NRBP1: variants seen among roughly 807,000 people sequenced by gnomAD.
The protein encoded by NRBP1 is nuclear receptor-binding protein.
In NRBP1, 10 loss-of-function variants were observed where a neutral mutation model predicts 76.0. The ratio of observed to expected loss-of-function variants is 0.13; its 90% CI spans 0.08 to 0.22. The LOEUF is 0.22. NRBP1 is among the 10% of genes least tolerant of loss of function. NRBP1 has a pLI of 1.00. For synonymous variants in NRBP1, 235 were observed against 240.2 expected (o/e 0.98, Z 0.20); for missense variants, 344 against 646.0 (o/e 0.53, Z 5.07).
chr2:27,434,355 TAAAGCTAAGAACAAAAGGAG>T, intron 4 of NRBP1, 96 bp from the exon 5 acceptor site: 1 of 829,540 alleles, frequency 1.2e-6, no homozygotes, highest in South Asian at 1.6e-5. Context: ...TCTAAGTAAG[TAAAGCTAAGAACAAAAGGAG>T]AGAAATTTTA....
At chr2:27,436,050 G>C in intron 7 of NRBP1, 1 of 515,778 alleles carries the variant, frequency 1.9e-6, no homozygotes, top group Admixed American at 3.2e-5. Flanking sequence ...CATTGTTTAT[G>C]ATCTGAGTGA....
chr2:27,429,583 C>T (rs770459669), intron 1 of NRBP1, among the ~76,000 whole-genome samples: 1 of 152,190 alleles, frequency 6.6e-6, no homozygotes, highest in African/African-American at 2.4e-5. Context: ...CTCTTTAAAA[C>T]CTCTCAGCGG....
intron 14 of NRBP1, 77 bp from the exon 15 acceptor site, chr2:27,441,050 C>G: frequency 5.0e-6 from 8 of 1,608,292 alleles, no homozygotes; most frequent in Middle Eastern, 2.2e-4. Flanking sequence ...CAGCCATGCC[C>G]TATGGGCTCG....
intron 10 of NRBP1, among the ~76,000 whole-genome samples, chr2:27,438,397 AAGGTTATGAATC>A (rs1416327497): frequency 6.6e-6 from 1 of 152,194 alleles, no homozygotes; most frequent in Non-Finnish European, 1.5e-5. Flanking sequence ...TAAAAGACAT[AAGGTTATGAATC>A]AGTTGATAGA....
At chr2:27,438,122 G>T (rs1664385141) in intron 10 of NRBP1, among the ~76,000 whole-genome samples, 1 of 151,614 alleles carries the variant, frequency 6.6e-6, no homozygotes, top group African/African-American at 2.4e-5. Context: ...GGAGATTGCA[G>T]TGAGCTGAGA....
At chr2:27,432,931 TGCAGTG>T (rs1431820633) in intron 1 of NRBP1, among the ~76,000 whole-genome samples, 2 of 151,796 alleles carry the variant, frequency 1.3e-5, no homozygotes, top group Non-Finnish European at 2.9e-5. Context: ...CAGGCTGGAG[TGCAGTG>T]GCGTGATCTC....
rs781036364 is a variant in NRBP1, at chr2:27,434,069, C to G, written c.414C>G (p.Asp138Glu). ...NIVKFHKYWADIKENKARVIF... is the reference protein window; with the variant it reads ...NIVKFHKYWAEIKENKARVIF... ...TTAAGTTTCACAAATATTGGGCTGA[C>G]ATTAAAGAGAACAAGGCCAGGGTAA... The change falls in exon 4 of 18, where the codon GAC becomes GAG. Residue 138 changes from aspartate (D) to glutamate (E), a missense_variant. By Grantham distance (45) the Asp-to-Glu change is conservative (BLOSUM62 2). Around this residue, in one of 3 missense-constraint regions of NRBP1, gnomAD observed 73 missense variants for 287.8 expected, o/e 0.25. Coordinates refer to ENST00000379852, the MANE Select transcript of NRBP1 (RefSeq NM_013392.4). 3 of 1,613,844 alleles carry G rather than the reference C, an allele frequency of 1.9e-6. No homozygotes were observed. Among genetic ancestry groups the G allele is most frequent in the Non-Finnish European group, 2.5e-6 (3 of 1,179,774 alleles).
chr2:27,437,429 AC>A, intron 10 of NRBP1, 69 bp downstream of exon 10: 1 of 1,150,808 alleles, frequency 8.7e-7, no homozygotes, highest in Non-Finnish European at 1.3e-6. Flanking sequence ...CTTCCTTTGT[AC>A]CCACTGGGTA....
At position 27,442,143 on chromosome 2, in the gene NRBP1, A is replaced by G. The variant is rs546908558; in HGVS notation, c.*331A>G. ...ACGGGCACTAGGGGAGCCGAATTCT[A>G]CAATCCCGCTGGGGCGGCCGGGGCG... On this transcript the variant is annotated 3_prime_UTR_variant, in exon 18 of 18. Coordinates refer to ENST00000379852, the MANE Select transcript of NRBP1 (RefSeq NM_013392.4). 12 of 531,952 alleles carry G rather than the reference A, an allele frequency of 2.3e-5. No individual in the cohort carries two copies. The highest frequency in any genetic ancestry group is 2.2e-4 in the African/African-American group (11 of 49,900). The allele number at this position is 531,952 out of a possible 1,614,324, so 33.0% of individuals were successfully genotyped here.
At chr2:27,430,785 G>T (rs555316651) in intron 1 of NRBP1, among the ~76,000 whole-genome samples, 1 of 152,096 alleles carries the variant, frequency 6.6e-6, no homozygotes, top group South Asian at 2.1e-4. Context: ...ATACTGTAGA[G>T]AACTCTCTTG....
chr2:27,429,283 C>T (rs927848225), intron 1 of NRBP1: 5 of 152,464 alleles, frequency 3.3e-5, no homozygotes, highest in African/African-American at 1.2e-4. Context: ...GTGTGAAATT[C>T]TAGGGGCCGG....
Position 27,440,903 on chromosome 2 carries a change from C to T in NRBP1, c.1292C>T (p.Thr431Ile). The change falls in exon 14 of 18, where the codon ACT (threonine) becomes ATT (isoleucine). Residue 431 changes from threonine (T) to isoleucine (I), a missense_variant. By Grantham distance (89) the Thr-to-Ile change is moderately conservative (BLOSUM62 -1). This residue lies in a region of NRBP1 where 218 missense variants were observed against 309.8 expected (regional missense o/e 0.70). Coordinates refer to ENST00000379852, the MANE Select transcript of NRBP1 (RefSeq NM_013392.4). ...CCTGTCGTGCCCCCCTCTGTCAAGA[C>T]TCCGACACCTGAACCAGCTGAGGTG... ...TSPVVPPSVKTPTPEPAEVET... is the reference protein window; with the variant it reads ...TSPVVPPSVKIPTPEPAEVET... 6.2e-7 allele frequency: 1 copy of T among 1,613,952 alleles called. No individual in the cohort carries two copies. The highest frequency in any genetic ancestry group is 8.5e-7 in the Non-Finnish European group (1 of 1,180,046).
rs1470023689 is a variant in NRBP1, at chr2:27,437,113, G to C, written c.804+8G>C. On this transcript the variant is annotated splice_region_variant and intron_variant, in intron 9 of 17. Transcript: ENST00000379852. ...GGCATGTGTGCACTGGAGGTGAGGG[G>C]ACTGGAGGGGAGGGGGGAAAGGGGT... is the stretch of plus-strand genomic sequence containing the variant. 1 of 1,612,694 alleles carries C rather than the reference G, an allele frequency of 6.2e-7. No homozygotes were observed. The highest frequency in any genetic ancestry group is 8.5e-7 in the Non-Finnish European group (1 of 1,178,730).
At chr2:27,435,538 G>A in intron 7 of NRBP1, 1 of 642,896 alleles carries the variant, frequency 1.6e-6, no homozygotes, top group Admixed American at 2.3e-5. Flanking sequence ...GCCAGAGGAG[G>A]TTCCAGGCTG....
intron 4 of NRBP1, 151 bp from the exon 5 acceptor site, chr2:27,434,320 T>C: frequency 1.4e-6 from 1 of 739,962 alleles, no homozygotes; most frequent in Non-Finnish European, 2.3e-6. Flanking sequence ...TAACTTTCAT[T>C]GCTTGTTTTC....
At chr2:27,432,316 T>C (rs1263806853) in intron 1 of NRBP1, among the ~76,000 whole-genome samples, 6 of 152,224 alleles carry the variant, frequency 3.9e-5, no homozygotes, top group Admixed American at 3.3e-4. Flanking sequence ...GTGTTTGTCA[T>C]TCCTGGGAGG....
Position 27,440,856 on chromosome 2 carries a change from A to C in NRBP1, c.1245A>C (p.Pro415=). The C allele has an allele frequency of 6.2e-7, 1 of 1,614,100 alleles. No individual in the cohort carries two copies. The highest frequency in any genetic ancestry group is 8.5e-7 in the Non-Finnish European group (1 of 1,180,036). The part of the protein sequence containing the change: ...TAFGLPRPQQ[P]QQEEVTSPVV... ...TTGGGCTGCCTCGGCCCCAGCAGCC[A>C]CAGCAGGAGGAGGTGACATCACCTG... Residue 415 remains proline, a synonymous_variant, in exon 14 of 18, where the codon CCA becomes CCC. Transcript: ENST00000379852.
chr2:27,441,451 T>G (rs761178692), intron 16 of NRBP1, 116 bp from the exon 17 acceptor site: 9 of 1,439,354 alleles, frequency 6.3e-6, no homozygotes, highest in Non-Finnish European at 7.8e-6. Context: ...ATGACTATCT[T>G]AGACCCTAAA....
upstream of NRBP1, chr2:27,428,285 G>A (rs567245077): frequency 4.9e-4 from 89 of 180,626 alleles, no homozygotes; most frequent in African/African-American, 1.9e-3. Flanking sequence ...CTCGGACTGA[G>A]GCTATGTCTT....
Sources: gnomAD v4.1 joint callset for allele counts (sites outside exome capture counted in the v4.1 genomes callset) on GRCh38, gnomAD v4.1.1 for gene constraint, gnomAD v4.1.1 regional missense constraint, MANE v1.5 for transcripts, NCBI Gene and HGNC (gene_info 2026-07-23, HGNC 2026-07-21) for gene names.